Variants in COL16A1 observed in about 807,000 individuals in gnomAD.
COL16A1 encodes collagen type XVI alpha 1 chain, also known as collagen alpha-1(XVI) chain.
Under a neutral mutation model 266.3 loss-of-function variants are expected in COL16A1, and 189 were observed. The observed-to-expected ratio is 0.71, with a 90% confidence interval of 0.63 to 0.80. The LOEUF (loss-of-function observed/expected upper bound fraction) is 0.80. Ranked by LOEUF, COL16A1 falls within the 30% of genes least tolerant of loss-of-function variation. The pLI, the probability that COL16A1 is intolerant of heterozygous loss-of-function variation, is 0.00. For synonymous variants in COL16A1, 740 were observed against 782.3 expected (o/e 0.95, Z 0.90); for missense variants, 1,928 against 2,122.4 (o/e 0.91, Z 1.80).
Position 31,697,043 on chromosome 1 carries a change from C to A in COL16A1, c.784G>T (p.Glu262Ter). 1 of 1,614,160 alleles carries A rather than the reference C, an allele frequency of 6.2e-7. No individual in the cohort carries two copies. The highest frequency in any genetic ancestry group is 8.5e-7 in the Non-Finnish European group (1 of 1,180,042). The part of the protein sequence containing the change: ...SKARRDTQSN[E>*]LIEINPQSEG... ...GACTGTGGATTGATCTCAATGAGCTCATTGCTCTGGGTGTCCCGGCGGGCC... is the reference window on the plus strand; with the variant it reads ...GACTGTGGATTGATCTCAATGAGCTAATTGCTCTGGGTGTCCCGGCGGGCC... The change falls in exon 8 of 71, where the codon GAG becomes TAG. Residue 262 changes from glutamate to a stop codon, truncating the protein, a stop_gained. Transcript: ENST00000373672. LOFTEE classifies it high-confidence loss of function. This position sits in a 1 kb window ranked among gnomAD's most constrained non-coding sequence, Gnocchi z 4.2.
At chr1:31,673,497 C>T (rs952978480) in intron 44 of COL16A1, among the ~76,000 whole-genome samples, 3 of 152,152 alleles carry the variant, frequency 2.0e-5, no homozygotes, top group Non-Finnish European at 4.4e-5. Flanking sequence ...TGTTTGTGGC[C>T]AGTGTCGTGT....
At chr1:31,660,142 G>A (rs570644087) in intron 62 of COL16A1, 2 of 157,956 alleles carry the variant, frequency 1.3e-5, no homozygotes, top group East Asian at 1.9e-4. Context: ...ATCTATGTTA[G>A]TGATGAGTAA....
chr1:31,655,312 A>C lies in COL16A1; in HGVS notation c.4290+2T>G. 6.2e-7 allele frequency: 1 copy of C among 1,611,820 alleles called. No homozygotes were observed. The highest frequency in any genetic ancestry group is 8.5e-7 in the Non-Finnish European group (1 of 1,178,918). ...CCCACAGCTGCCAGCCTTCCCCCTT[A>C]CCATGGAGCCAGGCACACCAGGCAA... On this transcript the variant is annotated splice_donor_variant, in intron 67 of 70. Coordinates refer to ENST00000373672, the MANE Select transcript of COL16A1 (RefSeq NM_001856.4). LOFTEE classifies it high-confidence loss of function.
At chr1:31,658,598 C>T (rs371664162) in intron 63 of COL16A1, 21 bp from the exon 64 acceptor site, 5 of 1,583,652 alleles carry the variant, frequency 3.2e-6, no homozygotes, top group Non-Finnish European at 4.3e-6. Context: ...GGAAGGGGGA[C>T]AGTGAGAGGG....
Position 31,670,467 on chromosome 1 carries a change from G to A in COL16A1, c.3195+135C>T, listed in dbSNP as rs537960456. On this transcript the variant is annotated intron_variant, in intron 49 of 70. Coordinates refer to ENST00000373672, the MANE Select transcript of COL16A1 (RefSeq NM_001856.4). This position sits in a 1 kb window ranked among gnomAD's most constrained non-coding sequence, Gnocchi z 4.5. ...GCCGGGACCTCAGAGAACCCGTGTC[G>A]TTAGCTACCGTGCCTGAAGGGGGAC... 1.2e-4 allele frequency: 143 copies of A among 1,172,766 alleles called. No homozygotes were observed. In the African/African-American group the frequency reaches 2.1e-3, roughly 17 times the overall value. The allele number at this position is 1,172,766 out of a possible 1,614,324, so 72.6% of individuals were successfully genotyped here.
At chr1:31,684,416 C>T in intron 31 of COL16A1, 107 bp downstream of exon 31, 1 of 1,520,142 alleles carries the variant, frequency 6.6e-7, no homozygotes, top group Non-Finnish European at 8.8e-7. Context: ...GTGACTCTGA[C>T]AGCCGTTAAG....
At chr1:31,671,543 G>T in intron 48 of COL16A1, 72 bp downstream of exon 48, 2 of 1,594,260 alleles carry the variant, frequency 1.3e-6, no homozygotes, top group Non-Finnish European at 1.7e-6. Flanking sequence ...GGACAAGGCC[G>T]CGGGATGGTG....
chr1:31,692,548 G>C (rs778975441), intron 15 of COL16A1, 39 bp from the exon 16 acceptor site: 3 of 1,614,034 alleles, frequency 1.9e-6, no homozygotes, highest in Non-Finnish European at 2.5e-6. Flanking sequence ...GGAGGGTAAG[G>C]CTGGGCCCTG....
rs1570518423 is a variant in COL16A1 at position 31,684,961 on chromosome 1, T to C, written c.2017-105A>G. ...TACAACAGTAAACAAACAAACAAAA[T>C]CTCTGCTTTCGTGCTAGTGAAGCAA... On this transcript the variant is annotated intron_variant, in intron 29 of 70. Coordinates refer to ENST00000373672, the MANE Select transcript of COL16A1 (RefSeq NM_001856.4). The C allele has an allele frequency of 1.4e-5, 23 of 1,590,614 alleles. No individual in the cohort carries two copies. In the Admixed American group the frequency reaches 2.9e-4, roughly 20 times the overall value.
At position 31,679,848 on chromosome 1, in the gene COL16A1, C is replaced by G. The variant is rs1412721211; in HGVS notation, c.2674G>C (p.Ala892Pro). Residue 892 changes from alanine to proline, a missense_variant, in exon 41 of 71, where the codon GCT (alanine) becomes CCT (proline). Transcript: ENST00000373672. ...GDLIFSGMPG[A>P]PGLWMGSSWQ... ...GAGCTGCCCATCCAAAGTCCCGGAG[C>G]ACCCTGGGTGGGAGTGGGGGTCGCA... 1 of 1,524,548 alleles carries G rather than the reference C, an allele frequency of 6.6e-7. No homozygotes were observed. The highest frequency in any genetic ancestry group is 1.4e-5 in the African/African-American group (1 of 72,160). 94.4% of individuals were successfully genotyped at this position (1,524,548 alleles called of 1,614,324 possible).
chr1:31,665,207 C>T lies in COL16A1; in HGVS notation c.3520G>A (p.Gly1174Arg), dbSNP rs201587628. 2 of 1,599,080 alleles carry T rather than the reference C, an allele frequency of 1.3e-6. No individual in the cohort carries two copies. The highest frequency in any genetic ancestry group is 1.7e-6 in the Non-Finnish European group (2 of 1,176,152). The change falls in exon 56 of 71, where the codon GGA becomes AGA. Residue 1174 changes from glycine to arginine, a missense_variant. Transcript: ENST00000373672. ...TGAGGGCCAGGTGGGCCAGGTGATC[C>T]AACTTTGCCTGGGAATCCAGGGGGA... ...PGPPGFPGKV[G>R]SPGPPGPQAE...
At chr1:31,666,367 A>C in intron 52 of COL16A1, 1 of 455,484 alleles carries the variant, frequency 2.2e-6, no homozygotes. Context: ...CTCTTGCTCA[A>C]ACACCTTATG....
rs1433995423 is a variant in COL16A1 at position 31,698,768 on chromosome 1, G to A, written c.267-162C>T. Among the ~76,000 whole-genome samples the A allele has an allele frequency of 5.3e-5, 8 of 152,192 alleles. No individual in the cohort carries two copies. Among genetic ancestry groups the A allele is most frequent in the African/African-American group, 1.4e-4 (6 of 41,522 alleles). On this transcript the variant is annotated intron_variant, in intron 4 of 70. Coordinates refer to ENST00000373672, the MANE Select transcript of COL16A1 (RefSeq NM_001856.4). The surrounding 1 kb of genome is among the most constrained non-coding windows in gnomAD (Gnocchi z 4.1). The stretch of plus-strand genomic sequence containing the variant: ...TCCATACCTTTACTGAGTGCCTTCC[G>A]CGAGCTAGGTGCGGGTCTGGCTGCT...
At chr1:31,690,258 C>A in intron 22 of COL16A1, 109 bp downstream of exon 22, 1 of 1,524,682 alleles carries the variant, frequency 6.6e-7, no homozygotes, top group East Asian at 2.4e-5. Context: ...TGGGGGTCCC[C>A]TGAGGAAGGT....
At chr1:31,660,921 G>C (rs1256097799) in intron 61 of COL16A1, 145 bp downstream of exon 61, 1 of 939,846 alleles carries the variant, frequency 1.1e-6, no homozygotes, top group Non-Finnish European at 1.6e-6. Context: ...AGTTCAAGAC[G>C]TGCAGTGTTG....
chr1:31,657,102 C>T lies in COL16A1; in HGVS notation c.4021-34G>A. On this transcript the variant is annotated intron_variant, in intron 64 of 70. Coordinates refer to ENST00000373672, the MANE Select transcript of COL16A1 (RefSeq NM_001856.4). The surrounding 1 kb of genome is among the most constrained non-coding windows in gnomAD (Gnocchi z 6.4). ...TAGAGAGCAATGGAGACATGAGGAG[C>T]TCCAACCCAGTTTGGTGTCAGATGC... The T allele has an allele frequency of 6.2e-7, 1 of 1,614,144 alleles. No homozygotes were observed. The highest frequency in any genetic ancestry group is 8.5e-7 in the Non-Finnish European group (1 of 1,180,010).
At chr1:31,690,014 G>A (rs1644185672) in intron 22 of COL16A1, 163 bp from the exon 23 acceptor site, 2 of 643,596 alleles carry the variant, frequency 3.1e-6, no homozygotes, top group Non-Finnish European at 5.4e-6. Flanking sequence ...CTGTTCAACT[G>A]ACTCATTCAT....
At chr1:31,687,109 C>T (rs528389904) in intron 26 of COL16A1, among the ~76,000 whole-genome samples, 2 of 152,266 alleles carry the variant, frequency 1.3e-5, no homozygotes, top group African/African-American at 4.8e-5. Flanking sequence ...AGGCTGGGCA[C>T]GATGGCTCAC....
chr1:31,660,738 C>T, intron 61 of COL16A1, 100 bp from the exon 62 acceptor site: 2 of 1,529,030 alleles, frequency 1.3e-6, no homozygotes, highest in Non-Finnish European at 1.8e-6. Context: ...CATGGTAATG[C>T]CAATGGCCAA....
Sources: allele counts gnomAD v4.1 joint callset (sites outside exome capture counted in the v4.1 genomes callset), GRCh38; gene constraint gnomAD v4.1.1; non-coding constraint Gnocchi (gnomAD v3.1); transcripts MANE v1.5; gene names NCBI Gene and HGNC (gene_info 2026-07-23, HGNC 2026-07-21).